The following PLCXD2 variants were observed in gnomAD, a reference collection of about 807,000 sequenced individuals.
The protein encoded by PLCXD2 is PI-PLC X domain-containing protein 2.
A neutral mutation model predicts 28.6 loss-of-function variants in PLCXD2; 21 were observed. The ratio of observed to expected loss-of-function variants is 0.73; its 90% CI spans 0.52 to 1.06. The LOEUF (loss-of-function observed/expected upper bound fraction) is 1.06, where lower values mean the gene tolerates loss of function less well. Among genes scored for constraint, PLCXD2 ranks in the 50% least tolerant of loss-of-function variants. The probability of loss-of-function intolerance (pLI) is 0.00; values close to 1 mark genes in which losing one functional copy is unlikely to be tolerated. For synonymous variants in PLCXD2, 140 were observed against 150.1 expected (o/e 0.93, Z 0.49); for missense variants, 369 against 376.7 (o/e 0.98, Z 0.17).
intron 1 of PLCXD2, chr3:111,691,199 A>G (rs1275956385): frequency 1.3e-5 from 2 of 152,240 alleles, no homozygotes; most frequent in Non-Finnish European, 2.9e-5. Flanking sequence ...CTGTTTAAGT[A>G]TGGTAAGTGT....
At chr3:111,700,771 G>A (rs1941030168) in intron 1 of PLCXD2, among the ~76,000 whole-genome samples, 1 of 152,118 alleles carries the variant, frequency 6.6e-6, no homozygotes, top group Non-Finnish European at 1.5e-5. Context: ...AAACTGGCAA[G>A]TGGATGATCT....
chr3:111,702,569 T>C (rs899934004), intron 1 of PLCXD2, among the ~76,000 whole-genome samples: 1 of 152,128 alleles, frequency 6.6e-6, no homozygotes, highest in Non-Finnish European at 1.5e-5. Context: ...TGAAGATGCA[T>C]AGGTAATACC....
chr3:111,684,284 T>C (rs1371713826), intron 1 of PLCXD2, among the ~76,000 whole-genome samples: 1 of 147,056 alleles, frequency 6.8e-6, no homozygotes. Context: ...CAGCTGAGAT[T>C]GCGCCATTGC....
Position 111,690,251 on chromosome 3 carries a change from G to A in PLCXD2, c.163+14843G>A, listed in dbSNP as rs80097711. ...AGTTTCTTTTGTTGGTTGTAATAAA[G>A]GGTAATTTTCTTTTCATCTGAGGCC... On this transcript the variant is annotated intron_variant, in intron 1 of 4. Transcript: ENST00000477665. Among the ~76,000 whole-genome samples the A allele has an allele frequency of 9.3e-3, 1,412 of 152,302 alleles. 26 individuals are homozygous for A. The highest frequency in any genetic ancestry group is 0.033 in the African/African-American group (1,358 of 41,562).
intron 3 of PLCXD2, among the ~76,000 whole-genome samples, chr3:111,716,430 G>A (rs1047282849): frequency 2.6e-5 from 4 of 152,164 alleles, no homozygotes; most frequent in Admixed American, 1.3e-4. Flanking sequence ...CTAACTCTTC[G>A]ATAAACTTTG....
At chr3:111,712,114 T>A (rs1314675615) in intron 2 of PLCXD2, among the ~76,000 whole-genome samples, 1 of 152,104 alleles carries the variant, frequency 6.6e-6, no homozygotes, top group Non-Finnish European at 1.5e-5. Context: ...CCCTGTACAG[T>A]GGGAGTTGGT....
chr3:111,675,414 C>T lies in PLCXD2; in HGVS notation c.163+6C>T, dbSNP rs779936325. The T allele has an allele frequency of 1.9e-6, 3 of 1,613,982 alleles. No individual in the cohort carries two copies. The highest frequency in any genetic ancestry group is 2.5e-6 in the Non-Finnish European group (3 of 1,179,910). Reference sequence around the variant, plus strand: ...TTCCAATCTGGCAATCCCAGGTATTCGTCTATTCCTACTTGTTCCCACTGT... The same window carrying T: ...TTCCAATCTGGCAATCCCAGGTATTTGTCTATTCCTACTTGTTCCCACTGT... On this transcript the variant is annotated splice_donor_region_variant and intron_variant, in intron 1 of 4. Coordinates refer to ENST00000477665, the MANE Select transcript of PLCXD2 (RefSeq NM_001185106.1).
intron 1 of PLCXD2, 65 bp downstream of exon 1, chr3:111,675,473 T>A: frequency 6.3e-7 from 1 of 1,582,644 alleles, no homozygotes; most frequent in Non-Finnish European, 8.7e-7. Context: ...TGTTAAGGGG[T>A]TGGGTTGCTT....
chr3:111,717,423 C>T (rs1422932174), intron 3 of PLCXD2, among the ~76,000 whole-genome samples: 1 of 152,164 alleles, frequency 6.6e-6, no homozygotes, highest in Admixed American at 6.5e-5. Context: ...GCCTTTTGCA[C>T]AGATCCCTTG....
At chr3:111,696,236 C>T (rs928477293) in intron 1 of PLCXD2, among the ~76,000 whole-genome samples, 15 of 152,200 alleles carry the variant, frequency 9.9e-5, no homozygotes, top group Non-Finnish European at 1.8e-4. Context: ...CACAGATTGT[C>T]TTCTGACCTA....
intron 1 of PLCXD2, among the ~76,000 whole-genome samples, chr3:111,682,873 A>T (rs560085634): frequency 6.6e-6 from 1 of 152,218 alleles, no homozygotes; most frequent in Non-Finnish European, 1.5e-5. Context: ...CTAAAAATAT[A>T]TGTCAGTGCC....
chr3:111,691,844 C>G (rs1261178932), intron 1 of PLCXD2, among the ~76,000 whole-genome samples: 1 of 152,030 alleles, frequency 6.6e-6, no homozygotes, highest in Non-Finnish European at 1.5e-5. Context: ...TAATCACTGC[C>G]CTGCAGGATT....
chr3:111,717,398 G>C (rs1941281984), intron 3 of PLCXD2, among the ~76,000 whole-genome samples: 1 of 152,158 alleles, frequency 6.6e-6, no homozygotes, highest in African/African-American at 2.4e-5. Context: ...GGGCCTGTCA[G>C]CACTGTCAGG....
intron 3 of PLCXD2, 104 bp from the exon 4 acceptor site, chr3:111,720,619 A>C (rs1202800053): frequency 2.4e-6 from 1 of 412,996 alleles, no homozygotes; most frequent in Non-Finnish European, 4.4e-6. Context: ...TCTTATTAAC[A>C]TATTTTTGTA....
intron 1 of PLCXD2, among the ~76,000 whole-genome samples, chr3:111,693,669 T>C (rs1249449589): frequency 6.6e-6 from 1 of 152,240 alleles, no homozygotes; most frequent in Non-Finnish European, 1.5e-5. Context: ...TATATCTTGC[T>C]TCTCGATGTT....
chr3:111,678,102 A>G (rs921167996), intron 1 of PLCXD2, among the ~76,000 whole-genome samples: 18 of 152,326 alleles, frequency 1.2e-4, no homozygotes, highest in Non-Finnish European at 2.1e-4. Flanking sequence ...CAACAATAGC[A>G]GAAATGAGAT....
In PLCXD2 at chr3:111,675,318, A is replaced by G. The variant is rs1222089541; in HGVS notation, c.73A>G (p.Lys25Glu). The G allele has an allele frequency of 6.2e-7, 1 of 1,613,988 alleles. No homozygotes were observed. The highest frequency in any genetic ancestry group is 8.5e-7 in the Non-Finnish European group (1 of 1,180,012). The change falls in exon 1 of 5, where the codon AAG (lysine) becomes GAG (glutamate). Residue 25 changes from lysine (K) to glutamate (E), a missense_variant. Physicochemically the swap from Lys to Glu is moderately conservative, Grantham distance 56. Transcript: ENST00000477665. ...CTGCTCCCCCAACCCCAGCGGGACA[A>G]AGACATCATCGGAGGTCTGCAATGC...
At chr3:111,684,760 G>T (rs538219623) in intron 1 of PLCXD2, among the ~76,000 whole-genome samples, 3 of 152,014 alleles carry the variant, frequency 2.0e-5, no homozygotes, top group Non-Finnish European at 4.4e-5. Flanking sequence ...GATCACTCTC[G>T]CTGCAGCACA....
intron 1 of PLCXD2, among the ~76,000 whole-genome samples, chr3:111,706,173 T>A (rs1396233194): frequency 1.3e-5 from 2 of 152,200 alleles, no homozygotes; most frequent in African/African-American, 4.8e-5. Flanking sequence ...GTCTTCTTTC[T>A]GAGAAATGTC....
Sources: allele counts gnomAD v4.1 joint callset (sites outside exome capture counted in the v4.1 genomes callset), GRCh38; gene constraint gnomAD v4.1.1; transcripts MANE v1.5; gene names NCBI Gene and HGNC (gene_info 2026-07-23, HGNC 2026-07-21).